Variants in RAB29 observed in about 807,000 individuals in gnomAD.
RAB29 encodes the protein ras-related protein Rab-29.
A neutral mutation model predicts 25.5 loss-of-function variants in RAB29; 13 were observed. That is an observed-to-expected ratio of 0.51 (90% confidence interval 0.33 to 0.81). RAB29 has a LOEUF of 0.81. Ranked by LOEUF, RAB29 falls within the 30% of genes least tolerant of loss-of-function variation. RAB29 has a pLI of 0.02. For synonymous variants in RAB29, 88 were observed against 95.0 expected (o/e 0.93, Z 0.43); for missense variants, 201 against 254.9 (o/e 0.79, Z 1.44).
chr1:205,770,537 G>T (rs1654933730), intron 5 of RAB29, 84 bp from the exon 6 acceptor site: 2 of 1,427,512 alleles, frequency 1.4e-6, no homozygotes, highest in Non-Finnish European at 1.9e-6. Context: ...TCATCAGAGA[G>T]TATTTGGTAA....
In RAB29 at chr1:205,770,038, C is replaced by T; in HGVS notation, c.*304G>A. 2.5e-6 allele frequency: 1 copy of T among 407,772 alleles called. No individual in the cohort carries two copies. The highest frequency in any genetic ancestry group is 4.5e-6 in the Non-Finnish European group (1 of 223,582). The allele number at this position is 407,772 out of a possible 1,614,324, so 25.3% of individuals were successfully genotyped here. On this transcript the variant is annotated 3_prime_UTR_variant, in exon 6 of 6. Coordinates refer to ENST00000367139, the MANE Select transcript of RAB29 (RefSeq NM_003929.3). ...GGTGAGAATTATGATCTCTAAAACG[C>T]AGGTGCTGATTTCTAATCCTTCTCA... is the stretch of plus-strand genomic sequence containing the variant.
In RAB29 at chr1:205,770,794, C is replaced by T. The variant is rs1372871032; in HGVS notation, c.439G>A (p.Gly147Ser). Reference protein sequence around the residue: ...DQIDRFSKENGFTGWTETSVK... With the variant: ...DQIDRFSKENSFTGWTETSVK... ...GATGTTTCTGTCCAACCTGTGAAAC[C>T]GTTCTCTTTACTGAACCGGTCAATC... The change falls in exon 5 of 6, where the codon GGT (glycine) becomes AGT (serine). Residue 147 changes from glycine to serine, a missense_variant. Coordinates refer to ENST00000367139, the MANE Select transcript of RAB29 (RefSeq NM_003929.3). 9 of 1,614,014 alleles carry T rather than the reference C, an allele frequency of 5.6e-6. No individual in the cohort carries two copies. The highest frequency in any genetic ancestry group is 1.6e-4 in the Middle Eastern group (1 of 6,084).
intron 2 of RAB29, among the ~76,000 whole-genome samples, chr1:205,773,288 A>C (rs563995758): frequency 1.1e-3 from 161 of 149,264 alleles, no homozygotes; most frequent in South Asian, 4.3e-3. Flanking sequence ...CTGTGACAGG[A>C]ATCAAAGCTA....
chr1:205,771,378 A>G, intron 4 of RAB29, 94 bp downstream of exon 4: 1 of 1,457,270 alleles, frequency 6.9e-7, no homozygotes, highest in Non-Finnish European at 9.6e-7. Flanking sequence ...CCAACTTAAG[A>G]AGGGGAAATG....
At chr1:205,771,695 G>C (rs1277104761) in intron 3 of RAB29, 42 bp from the exon 4 acceptor site, 1 of 1,570,422 alleles carries the variant, frequency 6.4e-7, no homozygotes, top group Non-Finnish European at 8.8e-7. Flanking sequence ...CCCAAGAGCC[G>C]GCCTCTCCCC....
intron 1 of RAB29, 53 bp downstream of exon 1, chr1:205,775,220 C>G (rs369786631): frequency 0.03 from 12,775 of 429,962 alleles, 271 homozygotes; most frequent in Non-Finnish European, 0.039. Context: ...TCCCCACCCC[C>G]TCCTGGCCTG....
rs925088076 is a variant in RAB29, at chr1:205,768,046, T to C, written c.*2296A>G. 2.6e-5 allele frequency: 4 copies of C among 152,186 alleles called. No homozygotes were observed. Among genetic ancestry groups the C allele is most frequent in the African/African-American group, 9.7e-5 (4 of 41,448 alleles). The allele number at this position is 152,186 out of a possible 1,614,324, so 9.4% of individuals were successfully genotyped here. A position where few individuals can be genotyped will look rare whatever the true frequency, so the allele number is the denominator to read the frequency against. ...AGGTGTTCAAACCAATGAATGAAAA[T>C]CAATTATCTCTTCATATCAATGAAA... On this transcript the variant is annotated 3_prime_UTR_variant, in exon 6 of 6. Coordinates refer to ENST00000367139, the MANE Select transcript of RAB29 (RefSeq NM_003929.3).
chr1:205,775,129 C>G (rs1655254009), intron 1 of RAB29, 43 bp from the exon 2 acceptor site: 18 of 850,768 alleles, frequency 2.1e-5, no homozygotes, highest in Non-Finnish European at 3.1e-5. Flanking sequence ...TGCACTCAAC[C>G]TATACGCGCT....
intron 3 of RAB29, 105 bp from the exon 4 acceptor site, chr1:205,771,758 T>A: frequency 8.8e-7 from 1 of 1,135,266 alleles, no homozygotes; most frequent in Non-Finnish European, 1.3e-6. Flanking sequence ...GCCACTCACT[T>A]TCCCCCTCTG....
At chr1:205,771,246 C>T (rs1437500350) in intron 4 of RAB29, 3 of 564,888 alleles carry the variant, frequency 5.3e-6, no homozygotes, top group Admixed American at 6.0e-5. Context: ...TGGCAGTGAG[C>T]CGAGATCGCG....
intron 2 of RAB29, among the ~76,000 whole-genome samples, chr1:205,773,775 G>C (rs896874405): frequency 6.6e-6 from 1 of 152,102 alleles, no homozygotes; most frequent in Non-Finnish European, 1.5e-5. Flanking sequence ...TAAAGTGCTG[G>C]GATTGCAAGT....
chr1:205,771,273 T>C, intron 4 of RAB29, 199 bp downstream of exon 4: 2 of 663,580 alleles, frequency 3.0e-6, no homozygotes, highest in East Asian at 2.8e-5. Context: ...CACTCCAGCC[T>C]GAGCAACAGA....
rs1157525519 is a variant in RAB29, at chr1:205,775,017, G to T, written c.-61C>A. 6.3e-7 allele frequency: 1 copy of T among 1,596,042 alleles called. No homozygotes were observed. The highest frequency in any genetic ancestry group is 2.2e-5 in the East Asian group (1 of 44,782). Reference sequence around the variant, plus strand: ...TGTGGTCGGGGATCGGGGGTCGCTCGTTTTAACCCCTTTGGATCCGGACCC... The same window carrying T: ...TGTGGTCGGGGATCGGGGGTCGCTCTTTTTAACCCCTTTGGATCCGGACCC... On this transcript the variant is annotated 5_prime_UTR_variant, in exon 2 of 6. Coordinates refer to ENST00000367139, the MANE Select transcript of RAB29 (RefSeq NM_003929.3).
At chr1:205,773,453 A>G (rs1416728161) in intron 2 of RAB29, among the ~76,000 whole-genome samples, 1 of 152,174 alleles carries the variant, frequency 6.6e-6, no homozygotes, top group Non-Finnish European at 1.5e-5. Flanking sequence ...TAGGAGTGGG[A>G]GGGCAGAGCG....
At position 205,770,358 on chromosome 1, in the gene RAB29, C is replaced by A; in HGVS notation, c.596G>T (p.Ser199Ile). The part of the protein sequence containing the change: ...DYINLQTKSS[S>I]WSCC Reference sequence around the variant, plus strand: ...CAAACACTACTAGCAGCAGGACCAGCTGGAGGACTTGGTTTGTAGATTGAT... The same window carrying A: ...CAAACACTACTAGCAGCAGGACCAGATGGAGGACTTGGTTTGTAGATTGAT... The change falls in exon 6 of 6, where the codon AGC (serine) becomes ATC (isoleucine). Residue 199 changes from serine (S) to isoleucine (I), a missense_variant. Transcript: ENST00000367139. 1 of 1,613,696 alleles carries A rather than the reference C, an allele frequency of 6.2e-7. No individual in the cohort carries two copies. Among genetic ancestry groups the A allele is most frequent in the Non-Finnish European group, 8.5e-7 (1 of 1,179,570 alleles).
At chr1:205,774,425 A>C (rs1340739328) in intron 2 of RAB29, among the ~76,000 whole-genome samples, 2 of 152,206 alleles carry the variant, frequency 1.3e-5, no homozygotes, top group African/African-American at 4.8e-5. Context: ...CTACAGCCCC[A>C]GCCGGCACCT....
At chr1:205,774,618 G>A (rs1316035602) in intron 2 of RAB29, among the ~76,000 whole-genome samples, 1 of 152,132 alleles carries the variant, frequency 6.6e-6, no homozygotes, top group Non-Finnish European at 1.5e-5. Context: ...CCTGGCAGTG[G>A]GCTCAGTTTG....
chr1:205,771,050 G>C (rs1476211168), intron 4 of RAB29, 196 bp from the exon 5 acceptor site: 1 of 680,620 alleles, frequency 1.5e-6, no homozygotes. Flanking sequence ...TGTAATCCCA[G>C]CACTTTGGGA....
In RAB29 at chr1:205,769,398, G is replaced by GC. The variant is rs1654873919; in HGVS notation, c.*943dup. ...CTTTGTGGAAGAAAATGCTTTCATT[G>GC]CATGAGATAGGTAGTTTAAAAATGA... On this transcript the variant is annotated 3_prime_UTR_variant, in exon 6 of 6. Coordinates refer to ENST00000367139, the MANE Select transcript of RAB29 (RefSeq NM_003929.3). The GC allele has an allele frequency of 6.6e-6, 1 of 152,116 alleles. No individual in the cohort carries two copies. The highest frequency in any genetic ancestry group is 1.5e-5 in the Non-Finnish European group (1 of 68,008). 9.4% of individuals were successfully genotyped at this position (152,116 alleles called of 1,614,324 possible). A position where few individuals can be genotyped will look rare whatever the true frequency, so the allele number is the denominator to read the frequency against.
Sources: allele counts gnomAD v4.1 joint callset (sites outside exome capture counted in the v4.1 genomes callset), GRCh38; gene constraint gnomAD v4.1.1; transcripts MANE v1.5; gene names NCBI Gene and HGNC (gene_info 2026-07-23, HGNC 2026-07-21).